NBAS: variants seen among roughly 807,000 people sequenced by gnomAD.
NBAS encodes NAG/BC035112 fusion.
In NBAS, 219 loss-of-function variants were observed where a neutral mutation model predicts 302.5. The ratio of observed to expected loss-of-function variants is 0.72; its 90% CI spans 0.65 to 0.81. NBAS has a LOEUF of 0.81. NBAS is among the 30% of genes least tolerant of loss of function. NBAS has a pLI of 0.00. For missense variants in NBAS, 2,932 were observed against 2,841.6 expected (o/e 1.03, Z -0.72); for synonymous variants, 1,118 against 1,021.6 (o/e 1.09, Z -1.80).
intron 40 of NBAS, among the ~76,000 whole-genome samples, chr2:15,305,613 A>G (rs1671000884): frequency 6.6e-6 from 1 of 151,910 alleles, no homozygotes; most frequent in Admixed American, 6.6e-5. Flanking sequence ...CACCATGCCC[A>G]GCTAATTTTT....
chr2:15,118,443 G>A, the NBAS span, among the ~76,000 whole-genome samples: 1,297 of 152,256 alleles, frequency 8.5e-3, 17 homozygotes, highest in African/African-American at 0.029. Context: ...CCATATTCGC[G>A]CCCTTGTTTA....
At chr2:14,980,431 C>CA in the NBAS span, among the ~76,000 whole-genome samples, 4 of 151,936 alleles carry the variant, frequency 2.6e-5, no homozygotes, top group African/African-American at 7.3e-5. Context: ...TGCCTTGCTC[C>CA]AAAAAAACCA....
the NBAS span, among the ~76,000 whole-genome samples, chr2:14,813,530 A>C: frequency 6.6e-6 from 1 of 152,180 alleles, no homozygotes; most frequent in Non-Finnish European, 1.5e-5. Context: ...TAGGGTACCT[A>C]GTGGAAGAAA....
chr2:15,494,387 A>G (rs908147266), intron 11 of NBAS, among the ~76,000 whole-genome samples: 8 of 152,214 alleles, frequency 5.3e-5, no homozygotes, highest in African/African-American at 1.9e-4. Flanking sequence ...ATAAAATTAG[A>G]ATGTACGTAA....
chr2:15,464,842 C>G (rs754875715), intron 19 of NBAS, among the ~76,000 whole-genome samples: 2 of 152,204 alleles, frequency 1.3e-5, no homozygotes, highest in African/African-American at 4.8e-5. Flanking sequence ...CCACCCCTCA[C>G]GCTCCCCATC....
At chr2:14,852,891 C>T in the NBAS span, among the ~76,000 whole-genome samples, 1 of 129,822 alleles carries the variant, frequency 7.7e-6, no homozygotes, top group Non-Finnish European at 1.6e-5. Context: ...GAAACTGGAT[C>T]CCTTCCTTAC....
intron 21 of NBAS, among the ~76,000 whole-genome samples, chr2:15,431,816 T>C (rs1306801930): frequency 6.6e-6 from 1 of 152,058 alleles, no homozygotes; most frequent in East Asian, 1.9e-4. Context: ...AACTGGATAG[T>C]TGGATATCCC....
At chr2:14,962,230 C>A in the NBAS span, among the ~76,000 whole-genome samples, 1 of 152,154 alleles carries the variant, frequency 6.6e-6, no homozygotes, top group African/African-American at 2.4e-5. Context: ...CATATGTAGG[C>A]ACATGTCTGT....
chr2:15,500,064 T>C (rs1385694004), intron 11 of NBAS, among the ~76,000 whole-genome samples: 5 of 152,220 alleles, frequency 3.3e-5, no homozygotes, highest in African/African-American at 7.2e-5. Context: ...CTCTCAAACA[T>C]TGCAGTAAAA....
At chr2:15,245,983 A>T (rs1344441775) in intron 44 of NBAS, among the ~76,000 whole-genome samples, 7 of 152,170 alleles carry the variant, frequency 4.6e-5, no homozygotes, top group African/African-American at 1.7e-4. Flanking sequence ...CTGATCTCTG[A>T]TTTATAATAT....
At chr2:15,460,414 C>T (rs1679454813) in intron 21 of NBAS, among the ~76,000 whole-genome samples, 3 of 152,188 alleles carry the variant, frequency 2.0e-5, no homozygotes, top group Non-Finnish European at 4.4e-5. Flanking sequence ...GCTTACCTCA[C>T]GTAAAAGTTC....
chr2:15,160,025 T>C, the NBAS span, among the ~76,000 whole-genome samples: 1 of 152,192 alleles, frequency 6.6e-6, no homozygotes, highest in Non-Finnish European at 1.5e-5. Flanking sequence ...GCATGTTATG[T>C]ACAAAGCAGC....
intron 47 of NBAS, among the ~76,000 whole-genome samples, chr2:15,220,076 G>A (rs1666872486): frequency 6.9e-6 from 1 of 145,944 alleles, no homozygotes; most frequent in Admixed American, 6.8e-5. Context: ...GGCCGGGCGG[G>A]GGGCTGACCC....
At chr2:15,188,533 G>A (rs963412539) in intron 49 of NBAS, among the ~76,000 whole-genome samples, 1 of 152,186 alleles carries the variant, frequency 6.6e-6, no homozygotes, top group African/African-American at 2.4e-5. Context: ...AATGATAGGA[G>A]GGGAGGGGGT....
chr2:15,254,903 GGT>G lies in NBAS; in HGVS notation c.5725-16219_5725-16218del, dbSNP rs111732767. ...TTTATGGCTGAGTAGTGTTCCATGG[GGT>G]GTGTGTGTGTGTGTGTGTGTGCACA... On this transcript the variant is annotated intron_variant, in intron 44 of 51. Transcript: ENST00000281513. 4.2e-3 allele frequency among the ~76,000 whole-genome samples: 633 copies of G among 149,024 alleles called. 3 individuals carry two copies. Among genetic ancestry groups the G allele is most frequent in the African/African-American group, 7.7e-3 (314 of 40,924 alleles).
chr2:15,251,699 G>A (rs1169229050), intron 44 of NBAS, among the ~76,000 whole-genome samples: 2 of 152,204 alleles, frequency 1.3e-5, no homozygotes, highest in East Asian at 3.8e-4. Flanking sequence ...TGGTGGGAAT[G>A]TAGCAGTCAG....
intron 36 of NBAS, among the ~76,000 whole-genome samples, chr2:15,328,739 C>T (rs781750944): frequency 5.2e-4 from 79 of 152,136 alleles, no homozygotes; most frequent in African/African-American, 8.0e-4. Context: ...AACCAACAGC[C>T]GAACAACTAA....
chr2:14,985,163 A>G, the NBAS span, among the ~76,000 whole-genome samples: 1 of 152,238 alleles, frequency 6.6e-6, no homozygotes, highest in Non-Finnish European at 1.5e-5. Context: ...GTATATTTGC[A>G]GAACACTATT....
chr2:14,851,170 G>T, the NBAS span, among the ~76,000 whole-genome samples: 3 of 132,186 alleles, frequency 2.3e-5, 1 homozygote, highest in African/African-American at 1.2e-4. Flanking sequence ...CAACAAAATT[G>T]ATAGACTGCT....
Sources: gnomAD v4.1 joint callset for allele counts (sites outside exome capture counted in the v4.1 genomes callset) on GRCh38, gnomAD v4.1.1 for gene constraint, MANE v1.5 for transcripts, NCBI Gene and HGNC (gene_info 2026-07-23, HGNC 2026-07-21) for gene names.